The following ARHGAP6 variants were observed in gnomAD, a reference collection of about 807,000 sequenced individuals.
The protein encoded by ARHGAP6 is Rho GTPase activating protein 6, also known as rho GTPase-activating protein 6.
In ARHGAP6, 16 loss-of-function variants were observed where a neutral mutation model predicts 55.7. The ratio of observed to expected loss-of-function variants is 0.29; its 90% CI spans 0.19 to 0.44. The LOEUF (loss-of-function observed/expected upper bound fraction) is 0.44. Among genes scored for constraint, ARHGAP6 ranks in the 20% least tolerant of loss-of-function variants. The pLI is 1.00. For synonymous variants in ARHGAP6, 382 were observed against 360.9 expected (o/e 1.06, Z -0.66); for missense variants, 698 against 808.9 (o/e 0.86, Z 1.66).
intron 2 of ARHGAP6, among the ~76,000 whole-genome samples, chrX:11,212,828 A>AAT (rs1555970610): frequency 1.8e-5 from 2 of 112,143 alleles, no homozygotes; most frequent in Non-Finnish European, 3.8e-5. Flanking sequence ...TAAATAAAAA[A>AAT]ATATATATAG....
At chrX:11,314,815 A>T (rs759190806) in intron 1 of ARHGAP6, among the ~76,000 whole-genome samples, 6 of 111,894 alleles carry the variant, frequency 5.4e-5, no homozygotes, top group African/African-American at 1.6e-4. Flanking sequence ...AGGGAGAGGA[A>T]CAGGAAAAAT....
At chrX:11,334,508 A>G (rs980913129) in intron 1 of ARHGAP6, 4 of 113,723 alleles carry the variant, frequency 3.5e-5, no homozygotes, top group African/African-American at 1.3e-4. Context: ...TGCAACCATT[A>G]TTTTCACAAA....
chrX:11,615,317 T>C (rs766939848), intron 1 of ARHGAP6, among the ~76,000 whole-genome samples: 46 of 112,192 alleles, frequency 4.1e-4, no homozygotes, highest in African/African-American at 1.4e-3. Context: ...TTAATGTCTA[T>C]GCCTTTTCTC....
At chrX:11,329,407 C>A (rs764799984) in intron 1 of ARHGAP6, among the ~76,000 whole-genome samples, 1 of 112,113 alleles carries the variant, frequency 8.9e-6, no homozygotes, top group Non-Finnish European at 1.9e-5. Context: ...AATTAGAAAA[C>A]GTCAAGCCAT....
At chrX:11,253,150 C>A (rs756609304) in intron 2 of ARHGAP6, among the ~76,000 whole-genome samples, 1 of 110,719 alleles carries the variant, frequency 9.0e-6, no homozygotes, top group African/African-American at 3.3e-5. Flanking sequence ...GGGTGTTGGT[C>A]AGCATCCTCA....
At chrX:11,510,005 T>C (rs1175721301) in intron 1 of ARHGAP6, among the ~76,000 whole-genome samples, 1 of 111,924 alleles carries the variant, frequency 8.9e-6, no homozygotes, top group Admixed American at 9.5e-5. Context: ...AATTCAGAGA[T>C]AGCAGTTGGT....
rs767479806 is a variant in ARHGAP6, at chrX:11,452,834, C to T, written c.589-198127G>A. Among the ~76,000 whole-genome samples the T allele has an allele frequency of 4.5e-5, 5 of 111,096 alleles. No individual in the cohort carries two copies. In the East Asian group the frequency reaches 8.5e-4, roughly 19 times the overall value. On this transcript the variant is annotated intron_variant, in intron 1 of 12. Coordinates refer to ENST00000337414, the MANE Select transcript of ARHGAP6 (RefSeq NM_013427.3). ...GCTTTGTCCAAGGGCAGAAAGCTCA[C>T]TTAGTTATTAAGATAAATAGCAAAG...
intron 1 of ARHGAP6, among the ~76,000 whole-genome samples, chrX:11,461,427 G>T (rs1354594549): frequency 2.7e-5 from 3 of 111,918 alleles, no homozygotes; most frequent in Middle Eastern, 4.6e-3. Flanking sequence ...GAGACAGAAA[G>T]TGCTGTCTGG....
At chrX:11,577,425 C>G (rs1305804313) in intron 1 of ARHGAP6, among the ~76,000 whole-genome samples, 1 of 112,076 alleles carries the variant, frequency 8.9e-6, no homozygotes, top group Non-Finnish European at 1.9e-5. Context: ...TAGAATTACC[C>G]ACCTACTCTT....
At chrX:11,520,608 G>A (rs1004376568) in intron 1 of ARHGAP6, among the ~76,000 whole-genome samples, 32 of 110,809 alleles carry the variant, frequency 2.9e-4, no homozygotes, top group African/African-American at 7.2e-4. Flanking sequence ...TGAGAATAGC[G>A]CCACAATAAA....
At chrX:11,232,620 G>A (rs779637809) in intron 2 of ARHGAP6, among the ~76,000 whole-genome samples, 4 of 111,496 alleles carry the variant, frequency 3.6e-5, no homozygotes, top group South Asian at 7.6e-4. Context: ...GCGACAGAGG[G>A]AGACTCCATC....
intron 1 of ARHGAP6, among the ~76,000 whole-genome samples, chrX:11,509,275 AT>A (rs1465172008): frequency 8.9e-6 from 1 of 112,105 alleles, no homozygotes; most frequent in Non-Finnish European, 1.9e-5. Context: ...ACAAAATAAA[AT>A]TTGAGATTTC....
intron 1 of ARHGAP6, among the ~76,000 whole-genome samples, chrX:11,466,704 A>G (rs949976501): frequency 1.8e-5 from 2 of 111,108 alleles, no homozygotes; most frequent in African/African-American, 6.6e-5. Flanking sequence ...AGGTCTCTCT[A>G]TGTTGCCCAC....
At chrX:11,456,927 A>C (rs909467916) in intron 1 of ARHGAP6, among the ~76,000 whole-genome samples, 4 of 111,718 alleles carry the variant, frequency 3.6e-5, no homozygotes, top group Admixed American at 9.5e-5. Context: ...TTTTATCCTT[A>C]AAAGAGGGCT....
chrX:11,569,040 A>G (rs1240802181), intron 1 of ARHGAP6, among the ~76,000 whole-genome samples: 1 of 112,050 alleles, frequency 8.9e-6, no homozygotes, highest in East Asian at 2.8e-4. Context: ...ATTGTTTTGT[A>G]CAGGTGAGCT....
intron 1 of ARHGAP6, among the ~76,000 whole-genome samples, chrX:11,385,841 AT>A (rs2049322015): frequency 8.9e-6 from 1 of 112,347 alleles, no homozygotes; most frequent in Non-Finnish European, 1.9e-5. Flanking sequence ...TGATAAAAAA[AT>A]GAGATATATA....
chrX:11,401,260 A>G (rs2049545361), intron 1 of ARHGAP6, among the ~76,000 whole-genome samples: 1 of 111,909 alleles, frequency 8.9e-6, no homozygotes, highest in Non-Finnish European at 1.9e-5. Context: ...GGTAAGTATC[A>G]CCTTGAGTTC....
At chrX:11,623,871 A>G (rs1299701388) in intron 1 of ARHGAP6, among the ~76,000 whole-genome samples, 1 of 111,967 alleles carries the variant, frequency 8.9e-6, no homozygotes, top group African/African-American at 3.2e-5. Context: ...TCACAGAAAT[A>G]GGAAATCCTA....
chrX:11,188,663 A>G, intron 4 of ARHGAP6, 65 bp downstream of exon 4: 1 of 1,149,012 alleles, frequency 8.7e-7, no homozygotes, highest in Non-Finnish European at 1.2e-6. Flanking sequence ...ACAAAAACGC[A>G]AAGAATAACT....
Sources: allele counts gnomAD v4.1 joint callset (sites outside exome capture counted in the v4.1 genomes callset), GRCh38; gene constraint gnomAD v4.1.1; transcripts MANE v1.5; gene names NCBI Gene and HGNC (gene_info 2026-07-23, HGNC 2026-07-21).